Variants in PRELID2 observed in about 807,000 individuals in gnomAD.
PRELID2 encodes PRELI domain containing 2.
In PRELID2, 25 loss-of-function variants were observed where a neutral mutation model predicts 28.4. The observed-to-expected ratio is 0.88, with a 90% CI of 0.64 to 1.23. PRELID2 has a LOEUF of 1.23. Ranked by LOEUF, PRELID2 falls within the 50% of genes most tolerant of loss-of-function variation. The pLI, the probability that PRELID2 is intolerant of heterozygous loss-of-function variation, is 0.00. For synonymous variants in PRELID2, 76 were observed against 71.6 expected (o/e 1.06, Z -0.31); for missense variants, 201 against 214.4 (o/e 0.94, Z 0.39).
At chr5:145,552,295 C>G (rs1752842507) in intron 1 of PRELID2, among the ~76,000 whole-genome samples, 1 of 152,042 alleles carries the variant, frequency 6.6e-6, no homozygotes, top group Admixed American at 6.6e-5. Context: ...GCCACCAGGC[C>G]TTTGTTAAAA....
chr5:145,647,081 AG>A (rs1354423462), intron 1 of PRELID2, among the ~76,000 whole-genome samples: 2 of 152,222 alleles, frequency 1.3e-5, no homozygotes, highest in Non-Finnish European at 2.9e-5. Context: ...CAGAGCCATC[AG>A]GCTGGGACGT....
chr5:145,650,558 A>G (rs1279832452), intron 1 of PRELID2, among the ~76,000 whole-genome samples: 1 of 130,852 alleles, frequency 7.6e-6, no homozygotes, highest in African/African-American at 3.3e-5. Flanking sequence ...ATATATATAT[A>G]TATATATATA....
At chr5:145,646,640 T>C (rs1373254099) in intron 1 of PRELID2, among the ~76,000 whole-genome samples, 1 of 152,210 alleles carries the variant, frequency 6.6e-6, no homozygotes, top group Non-Finnish European at 1.5e-5. Flanking sequence ...TTTTCAGCCT[T>C]TTTGCACTAG....
At chr5:145,688,446 C>T (rs1172415921) in intron 1 of PRELID2, among the ~76,000 whole-genome samples, 1 of 152,120 alleles carries the variant, frequency 6.6e-6, no homozygotes, top group Non-Finnish European at 1.5e-5. Context: ...ATTCAGCTAC[C>T]TATTGAGTTC....
At chr5:145,513,089 G>A (rs1752479573) in intron 1 of PRELID2, among the ~76,000 whole-genome samples, 1 of 151,946 alleles carries the variant, frequency 6.6e-6, no homozygotes, top group East Asian at 1.9e-4. Flanking sequence ...TCCTCCAAAG[G>A]ATCACGACTC....
chr5:145,592,601 C>T (rs1753247741), intron 1 of PRELID2, among the ~76,000 whole-genome samples: 1 of 152,004 alleles, frequency 6.6e-6, no homozygotes. Flanking sequence ...GTATTTACAT[C>T]ATTGCTTATA....
At chr5:145,639,680 T>C (rs899504464) in intron 1 of PRELID2, among the ~76,000 whole-genome samples, 4 of 152,212 alleles carry the variant, frequency 2.6e-5, no homozygotes, top group African/African-American at 9.6e-5. Context: ...AAATCCAATG[T>C]TGGGAAAGTG....
At chr5:145,255,727 G>C in the PRELID2 span, among the ~76,000 whole-genome samples, 1 of 152,002 alleles carries the variant, frequency 6.6e-6, no homozygotes, top group Admixed American at 6.6e-5. Context: ...TCTGTAGTAA[G>C]CCATGATTGC....
the PRELID2 span, among the ~76,000 whole-genome samples, chr5:145,390,748 C>CAA: frequency 5.9e-5 from 9 of 152,120 alleles, no homozygotes; most frequent in African/African-American, 2.2e-4. Context: ...AGTCCACATC[C>CAA]AAAGTCTCAT....
At chr5:145,260,859 C>T in the PRELID2 span, among the ~76,000 whole-genome samples, 3,587 of 152,240 alleles carry the variant, frequency 0.024, 141 homozygotes, top group African/African-American at 0.082. Context: ...CTCCATGGGA[C>T]AGCTGAGGAA....
At chr5:145,589,622 T>TA (rs1753201262) in intron 1 of PRELID2, among the ~76,000 whole-genome samples, 1 of 152,180 alleles carries the variant, frequency 6.6e-6, no homozygotes, top group Non-Finnish European at 1.5e-5. Flanking sequence ...TTATGTCTTT[T>TA]GTTATTTCAT....
the PRELID2 span, among the ~76,000 whole-genome samples, chr5:145,455,329 C>T: frequency 2.6e-5 from 4 of 152,058 alleles, no homozygotes; most frequent in Non-Finnish European, 4.4e-5. Context: ...GTTTTGGTAC[C>T]GGTACCATGC....
chr5:145,599,662 T>C (rs1254489390), intron 1 of PRELID2, among the ~76,000 whole-genome samples: 1 of 152,166 alleles, frequency 6.6e-6, no homozygotes, highest in Non-Finnish European at 1.5e-5. Context: ...TCCGTAGCAT[T>C]TGACATGTAC....
intron 1 of PRELID2, among the ~76,000 whole-genome samples, chr5:145,589,463 A>G (rs1022860540): frequency 6.6e-6 from 1 of 151,530 alleles, no homozygotes; most frequent in Non-Finnish European, 1.5e-5. Flanking sequence ...AGAATTGAAT[A>G]TCATCATTTT....
At chr5:145,624,271 A>G (rs1753814860) in intron 1 of PRELID2, among the ~76,000 whole-genome samples, 1 of 152,170 alleles carries the variant, frequency 6.6e-6, no homozygotes, top group South Asian at 2.1e-4. Context: ...TTATATAAGT[A>G]TGATTGATTA....
At chr5:145,832,543 T>C (rs542507562) in intron 1 of PRELID2, among the ~76,000 whole-genome samples, 127 of 152,260 alleles carry the variant, frequency 8.3e-4, no homozygotes, top group African/African-American at 2.9e-3. Context: ...GCCTATTATA[T>C]GCAATGCAGC....
the PRELID2 span, among the ~76,000 whole-genome samples, chr5:145,291,036 A>C: frequency 4.6e-5 from 7 of 152,040 alleles, no homozygotes; most frequent in Admixed American, 1.3e-4. Context: ...AATGACTGAC[A>C]TCATTACTTT....
the PRELID2 span, among the ~76,000 whole-genome samples, chr5:145,411,365 C>A: frequency 2.6e-5 from 4 of 152,210 alleles, no homozygotes; most frequent in African/African-American, 9.7e-5. Flanking sequence ...CACTGGGCAC[C>A]TCCCACAACA....
intron 1 of PRELID2, among the ~76,000 whole-genome samples, chr5:145,522,581 A>T (rs1194470805): frequency 6.6e-6 from 1 of 152,164 alleles, no homozygotes; most frequent in Non-Finnish European, 1.5e-5. Context: ...CCAGAACATG[A>T]TGCAACATTG....
Sources: allele counts gnomAD v4.1 joint callset (sites outside exome capture counted in the v4.1 genomes callset), GRCh38; gene constraint gnomAD v4.1.1; transcripts MANE v1.5; gene names NCBI Gene and HGNC (gene_info 2026-07-23, HGNC 2026-07-21).